The following RTN1 variants were observed in gnomAD, a reference collection of about 807,000 sequenced individuals.
RTN1 encodes the protein reticulon-1.
A neutral mutation model predicts 65.5 loss-of-function variants in RTN1; 25 were observed. The ratio of observed to expected loss-of-function variants is 0.38; its 90% CI spans 0.28 to 0.53. The LOEUF is 0.53. Among genes scored for constraint, RTN1 ranks in the 20% least tolerant of loss-of-function variants. The pLI, the probability that RTN1 is intolerant of heterozygous loss-of-function variation, is 0.79. For synonymous variants in RTN1, 471 were observed against 447.6 expected (o/e 1.05, Z -0.66); for missense variants, 983 against 1,025.4 (o/e 0.96, Z 0.57).
intron 3 of RTN1, among the ~76,000 whole-genome samples, chr14:59,708,884 T>C (rs566505527): frequency 2.6e-5 from 4 of 152,320 alleles, no homozygotes; most frequent in Admixed American, 2.0e-4. Context: ...AGAAAATCCA[T>C]CTGATCATCG....
At chr14:59,611,639 G>T (rs1264327434) in intron 3 of RTN1, among the ~76,000 whole-genome samples, 6 of 152,140 alleles carry the variant, frequency 3.9e-5, no homozygotes, top group African/African-American at 1.4e-4. Context: ...CATTTGCAGG[G>T]TGTCTGTTTT....
chr14:59,695,075 A>G (rs1884035650), intron 3 of RTN1, among the ~76,000 whole-genome samples: 1 of 152,172 alleles, frequency 6.6e-6, no homozygotes, highest in African/African-American at 2.4e-5. Flanking sequence ...TTCTCAGAGT[A>G]TTCTATCCTC....
At chr14:59,665,611 T>C (rs1883351571) in intron 3 of RTN1, among the ~76,000 whole-genome samples, 1 of 152,136 alleles carries the variant, frequency 6.6e-6, no homozygotes, top group Non-Finnish European at 1.5e-5. Flanking sequence ...TAAATGTAAA[T>C]GGGCTAAATG....
intron 6 of RTN1, 83 bp downstream of exon 6, chr14:59,603,769 A>ATGC: frequency 9.2e-7 from 1 of 1,090,390 alleles, no homozygotes; most frequent in Non-Finnish European, 1.4e-6. Context: ...ATCTCTTTAA[A>ATGC]CAAACAAAAA....
chr14:59,672,736 G>A (rs984450891), intron 3 of RTN1, among the ~76,000 whole-genome samples: 1 of 145,142 alleles, frequency 6.9e-6, no homozygotes, highest in South Asian at 2.3e-4. Flanking sequence ...CGCTTCCCGG[G>A]TTCACGCCAT....
At chr14:59,787,501 T>C (rs1886272539) in intron 1 of RTN1, among the ~76,000 whole-genome samples, 1 of 152,244 alleles carries the variant, frequency 6.6e-6, no homozygotes, top group Non-Finnish European at 1.5e-5. Flanking sequence ...GTTTATTAGA[T>C]GGCAGTGATG....
intron 1 of RTN1, among the ~76,000 whole-genome samples, chr14:59,778,360 ATTCCCACAAAGTCCT>A (rs1357417998): frequency 2.0e-5 from 3 of 152,226 alleles, no homozygotes; most frequent in Non-Finnish European, 4.4e-5. Flanking sequence ...GCTTTTGTTA[ATTCCCACAAAGTCCT>A]GTGCTATAGA....
intron 1 of RTN1, among the ~76,000 whole-genome samples, chr14:59,795,049 A>G (rs1594746318): frequency 1.3e-5 from 2 of 152,294 alleles, no homozygotes; most frequent in African/African-American, 4.8e-5. Flanking sequence ...CCTATTTAAT[A>G]TCCACCCCAA....
chr14:59,631,820 G>T (rs1252528707), intron 3 of RTN1, among the ~76,000 whole-genome samples: 5 of 152,176 alleles, frequency 3.3e-5, no homozygotes, highest in African/African-American at 1.2e-4. Context: ...GGAGCATACA[G>T]AAGAGTTCAG....
At chr14:59,686,982 T>C (rs1019390276) in intron 3 of RTN1, among the ~76,000 whole-genome samples, 2 of 152,130 alleles carry the variant, frequency 1.3e-5, no homozygotes, top group African/African-American at 4.8e-5. Context: ...TGGAGTTGGG[T>C]AGTGGCCTCT....
At chr14:59,819,634 G>T (rs1436986671) in intron 1 of RTN1, among the ~76,000 whole-genome samples, 3 of 152,092 alleles carry the variant, frequency 2.0e-5, no homozygotes, top group African/African-American at 7.2e-5. Context: ...ATGGGACCGG[G>T]CGCTGCGGAG....
At chr14:59,854,218 T>C (rs1279248737) in intron 1 of RTN1, among the ~76,000 whole-genome samples, 3 of 152,158 alleles carry the variant, frequency 2.0e-5, no homozygotes, top group Non-Finnish European at 4.4e-5. Flanking sequence ...TCTTAAGGAT[T>C]CTCAAGTTCT....
intron 3 of RTN1, among the ~76,000 whole-genome samples, chr14:59,706,517 C>G (rs1022677728): frequency 6.6e-6 from 1 of 152,212 alleles, no homozygotes; most frequent in Non-Finnish European, 1.5e-5. Flanking sequence ...GGAAAGTTCT[C>G]CCTACACTTC....
intron 1 of RTN1, among the ~76,000 whole-genome samples, chr14:59,844,111 A>C (rs1372429318): frequency 6.6e-6 from 1 of 152,194 alleles, no homozygotes; most frequent in Admixed American, 6.5e-5. Flanking sequence ...GGGAAAAAGA[A>C]CAAGAAAAGA....
At chr14:59,753,628 A>G (rs977541362) in intron 1 of RTN1, among the ~76,000 whole-genome samples, 1 of 152,208 alleles carries the variant, frequency 6.6e-6, no homozygotes, top group Non-Finnish European at 1.5e-5. Flanking sequence ...CCTAGACAGT[A>G]AATTATGTTG....
intron 3 of RTN1, among the ~76,000 whole-genome samples, chr14:59,644,454 G>T (rs1324283582): frequency 2.0e-5 from 3 of 152,176 alleles, no homozygotes; most frequent in Admixed American, 2.0e-4. Flanking sequence ...CCTGTGGTAT[G>T]ACATGTAGAG....
intron 1 of RTN1, among the ~76,000 whole-genome samples, chr14:59,831,793 T>A (rs564047810): frequency 2.6e-5 from 4 of 152,024 alleles, no homozygotes; most frequent in African/African-American, 4.8e-5. Context: ...TGGTTCTGTC[T>A]CTCTGGAGAA....
chr14:59,781,871 T>C (rs1886161640), intron 1 of RTN1, among the ~76,000 whole-genome samples: 1 of 152,208 alleles, frequency 6.6e-6, no homozygotes, highest in African/African-American at 2.4e-5. Context: ...GAAATATTTC[T>C]GGAACAAAAG....
intron 1 of RTN1, among the ~76,000 whole-genome samples, chr14:59,851,513 C>T (rs1468538098): frequency 6.6e-6 from 1 of 152,202 alleles, no homozygotes; most frequent in Non-Finnish European, 1.5e-5. Flanking sequence ...AAGTATATTA[C>T]TTCTCTTCTT....
Sources: allele counts gnomAD v4.1 joint callset (sites outside exome capture counted in the v4.1 genomes callset), GRCh38; gene constraint gnomAD v4.1.1; transcripts MANE v1.5; gene names NCBI Gene and HGNC (gene_info 2026-07-23, HGNC 2026-07-21).